DGKE: variants seen among roughly 807,000 people sequenced by gnomAD.
DGKE encodes DAG kinase epsilon.
A neutral mutation model predicts 70.0 loss-of-function variants in DGKE; 53 were observed. The ratio of observed to expected loss-of-function variants is 0.76; its 90% CI spans 0.61 to 0.95. The LOEUF (loss-of-function observed/expected upper bound fraction) is 0.95, where lower values mean the gene tolerates loss of function less well. Ranked by LOEUF, DGKE falls within the 40% of genes least tolerant of loss-of-function variation. The probability of loss-of-function intolerance (pLI) is 0.00; values close to 1 mark genes in which losing one functional copy is unlikely to be tolerated. For missense variants in DGKE, 655 were observed against 706.9 expected, an observed-to-expected ratio of 0.93 and a Z score of 0.83; for synonymous variants, 291 against 257.0, an observed-to-expected ratio of 1.13 and a Z score of -1.27.
At chr17:56,846,933 C>G (rs934410897) in intron 4 of DGKE, among the ~76,000 whole-genome samples, 1 of 151,666 alleles carries the variant, frequency 6.6e-6, no homozygotes, top group South Asian at 2.1e-4. Flanking sequence ...AAATATTTTT[C>G]CTTGTTTCAA....
intron 7 of DGKE, among the ~76,000 whole-genome samples, chr17:56,854,939 A>G (rs7218364): frequency 0.71 from 107,654 of 152,056 alleles, 38,552 homozygotes; most frequent in East Asian, 0.91. Context: ...AGAACATCCA[A>G]ACAATCAAAT....
chr17:56,848,756 T>G lies in DGKE; in HGVS notation c.949T>G (p.Ser317Ala), dbSNP rs1472659928. The G allele has an allele frequency of 6.2e-7, 1 of 1,614,148 alleles. No homozygotes were observed. The change falls in exon 6 of 12, where the codon TCC becomes GCC. Residue 317 changes from serine to alanine, a missense_variant. By Grantham distance (99) the Ser-to-Ala change is moderately conservative. Transcript: ENST00000284061. ...VLPLGTGNDL[S>A]NTLGWGTGYA... ...GCCTCTGGGAACAGGCAACGATCTA[T>G]CCAATACATTGGGTTGGGGTACAGG...
intron 7 of DGKE, 120 bp from the exon 8 acceptor site, chr17:56,856,392 A>C: frequency 8.7e-7 from 1 of 1,144,800 alleles, no homozygotes; most frequent in Non-Finnish European, 1.2e-6. Context: ...GCCATGTGAA[A>C]AGTAAATGCA....
chr17:56,859,894 C>G (rs147069654), intron 9 of DGKE, among the ~76,000 whole-genome samples: 195 of 152,302 alleles, frequency 1.3e-3, no homozygotes, highest in African/African-American at 4.4e-3. Context: ...ACTGATTATA[C>G]ATTAGTCAAG....
chr17:56,857,258 T>C (rs1908005441), intron 8 of DGKE, among the ~76,000 whole-genome samples: 1 of 152,240 alleles, frequency 6.6e-6, no homozygotes, highest in Non-Finnish European at 1.5e-5. Context: ...AAGGAAATTT[T>C]AGGCAGAATA....
At chr17:56,849,755 G>C (rs1211641892) in intron 7 of DGKE, among the ~76,000 whole-genome samples, 2 of 152,188 alleles carry the variant, frequency 1.3e-5, no homozygotes, top group Non-Finnish European at 2.9e-5. Flanking sequence ...TTTTATAACT[G>C]AATATATGGA....
chr17:56,844,836 A>C (rs932205111), intron 3 of DGKE, among the ~76,000 whole-genome samples: 3 of 152,160 alleles, frequency 2.0e-5, no homozygotes, highest in Admixed American at 1.3e-4. Flanking sequence ...TGTAGCTCTT[A>C]AGGAAACATC....
chr17:56,861,228 T>C (rs1908270442), intron 9 of DGKE, among the ~76,000 whole-genome samples: 1 of 151,530 alleles, frequency 6.6e-6, no homozygotes, highest in Non-Finnish European at 1.5e-5. Context: ...GTTAACCTAC[T>C]TAACCAGGAA....
intron 2 of DGKE, chr17:56,836,036 T>G (rs1906596232): frequency 6.6e-6 from 1 of 152,236 alleles, no homozygotes; most frequent in Non-Finnish European, 1.5e-5. Context: ...TCCACTCTGG[T>G]AAAATAGGAC....
intron 2 of DGKE, among the ~76,000 whole-genome samples, chr17:56,843,517 C>G (rs932568773): frequency 6.6e-5 from 10 of 151,982 alleles, no homozygotes; most frequent in African/African-American, 2.4e-4. Context: ...TGCTGTTAGG[C>G]GGGGCACAGT....
At position 56,848,749 on chromosome 17, in the gene DGKE, C is replaced by CG; in HGVS notation, c.943dup (p.Asp315GlyfsTer32). ...CAGTTTTGCCTCTGGGAACAGGCAA[C>CG]GATCTATCCAATACATTGGGTTGGG... On this transcript the variant is annotated frameshift_variant, in exon 6 of 12. Transcript: ENST00000284061. LOFTEE classifies it high-confidence loss of function. 1 of 1,614,086 alleles carries CG rather than the reference C, an allele frequency of 6.2e-7. No individual in the cohort carries two copies. The highest frequency in any genetic ancestry group is 8.5e-7 in the Non-Finnish European group (1 of 1,179,996).
intron 7 of DGKE, among the ~76,000 whole-genome samples, chr17:56,856,005 C>A (rs377194351): frequency 3.0e-3 from 365 of 120,148 alleles, no homozygotes; most frequent in Middle Eastern, 7.7e-3. Flanking sequence ...GACTCCATCT[C>A]AAAAAAAAAA....
At chr17:56,841,281 AAC>A (rs1448485399) in intron 2 of DGKE, among the ~76,000 whole-genome samples, 1 of 151,950 alleles carries the variant, frequency 6.6e-6, no homozygotes, top group Non-Finnish European at 1.5e-5. Flanking sequence ...TTTTAAATGA[AAC>A]AGCATTTAAG....
Position 56,835,135 on chromosome 17 carries a change from A to G in DGKE, c.340A>G (p.Lys114Glu), listed in dbSNP as rs776001127. 17 of 1,614,068 alleles carry G rather than the reference A, an allele frequency of 1.1e-5. No homozygotes were observed. Among genetic ancestry groups the G allele is most frequent in the Admixed American group, 1.7e-5 (1 of 60,030 alleles). ...CTTCCAGTGCAAGGAGATTATGCTC[A>G]AGAATGACACCAAGGTCCTGGACGC... ...KRFQCKEIML[K>E]NDTKVLDAMP... The change falls in exon 2 of 12, where the codon AAG becomes GAG. Residue 114 changes from lysine (K) to glutamate (E), a missense_variant. Coordinates refer to ENST00000284061, the MANE Select transcript of DGKE (RefSeq NM_003647.3).
chr17:56,840,405 T>G (rs182247864), intron 2 of DGKE, among the ~76,000 whole-genome samples: 30 of 152,208 alleles, frequency 2.0e-4, no homozygotes, highest in Non-Finnish European at 2.1e-4. Context: ...TGAGACAGTC[T>G]CACTCTGTCG....
intron 2 of DGKE, among the ~76,000 whole-genome samples, chr17:56,839,966 A>T (rs908035941): frequency 2.6e-5 from 4 of 152,162 alleles, no homozygotes; most frequent in African/African-American, 9.7e-5. Context: ...AGAGTTCGAG[A>T]CCAGCCTGAC....
intron 3 of DGKE, 101 bp from the exon 4 acceptor site, chr17:56,845,589 T>A (rs1331472601): frequency 4.7e-6 from 6 of 1,283,600 alleles, no homozygotes; most frequent in Non-Finnish European, 6.3e-6. Context: ...TAGTATAGTT[T>A]TTATTTCAGC....
Position 56,858,654 on chromosome 17 carries a change from A to G in DGKE, c.1273A>G (p.Lys425Glu). The stretch of plus-strand genomic sequence containing the variant: ...AGTGCAAGAATGTAAAGATTTGAAT[A>G]AAAAAGTTGAGGTAAGCTATTAACA... ...CLVQECKDLNKKVELELDGER... is the reference protein window; with the variant it reads ...CLVQECKDLNEKVELELDGER... The change falls in exon 9 of 12, where the codon AAA (lysine) becomes GAA (glutamate). Residue 425 changes from lysine to glutamate, a missense_variant. By Grantham distance (56) the Lys-to-Glu change is moderately conservative. Coordinates refer to ENST00000284061, the MANE Select transcript of DGKE (RefSeq NM_003647.3). The G allele has an allele frequency of 1.9e-6, 3 of 1,603,526 alleles. No homozygotes were observed. Among genetic ancestry groups the G allele is most frequent in the South Asian group, 2.3e-5 (2 of 88,504 alleles).
At position 56,858,622 on chromosome 17, in the gene DGKE, ATTGT is replaced by A; in HGVS notation, c.1244_1247del (p.Cys415Ter). 1 of 1,607,664 alleles carries A rather than the reference ATTGT, an allele frequency of 6.2e-7. No homozygotes were observed. Among genetic ancestry groups the A allele is most frequent in the Non-Finnish European group, 8.5e-7 (1 of 1,177,722 alleles). ...GTTTACTTATTCTATGGAACCAAAG[ATTGT>A]TTAGTGCAAGAATGTAAAGATTTGA... is the stretch of plus-strand genomic sequence containing the variant. On this transcript the variant is annotated frameshift_variant, in exon 9 of 12. Coordinates refer to ENST00000284061, the MANE Select transcript of DGKE (RefSeq NM_003647.3). LOFTEE classifies it high-confidence loss of function.
Sources: gnomAD v4.1 joint callset for allele counts (sites outside exome capture counted in the v4.1 genomes callset) on GRCh38, gnomAD v4.1.1 for gene constraint, MANE v1.5 for transcripts, NCBI Gene and HGNC (gene_info 2026-07-23, HGNC 2026-07-21) for gene names.